Variants in DRC11 observed in about 807,000 individuals in gnomAD.
DRC11 encodes the protein dynein regulatory complex subunit 11, also known as IQ and AAA domain-containing protein 1.
the DRC11 span, among the ~76,000 whole-genome samples, chr2:236,472,220 C>T: frequency 1.3e-5 from 2 of 152,148 alleles, no homozygotes; most frequent in African/African-American, 4.8e-5. This position sits in a 1 kb window ranked among gnomAD's most constrained non-coding sequence, Gnocchi z 4.6. Context: ...GCCCTGAAGA[C>T]ACAGTTGTAT....
the DRC11 span, among the ~76,000 whole-genome samples, chr2:236,402,558 G>A: frequency 1.3e-5 from 2 of 152,218 alleles, no homozygotes; most frequent in Non-Finnish European, 2.9e-5. The surrounding 1 kb of genome is among the most constrained non-coding windows in gnomAD (Gnocchi z 6.0). Flanking sequence ...GGGGGGCATG[G>A]CAGGCTTGCC....
the DRC11 span, chr2:236,408,285 G>A: frequency 2.4e-6 from 2 of 842,002 alleles, no homozygotes; most frequent in African/African-American, 1.7e-5. This position sits in a 1 kb window ranked among gnomAD's most constrained non-coding sequence, Gnocchi z 5.5. Context: ...CCACAGAGAA[G>A]GCCACACAGG....
chr2:236,432,324 C>T, the DRC11 span, among the ~76,000 whole-genome samples: 1 of 152,050 alleles, frequency 6.6e-6, no homozygotes, highest in Admixed American at 6.6e-5. Context: ...GGCTGTAAGT[C>T]CTTTAACAGG....
chr2:236,435,699 C>G, the DRC11 span, among the ~76,000 whole-genome samples: 1 of 152,158 alleles, frequency 6.6e-6, no homozygotes, highest in Non-Finnish European at 1.5e-5. Context: ...GGGGAAACCA[C>G]CCCAATCAGG....
At chr2:236,489,586 T>A in the DRC11 span, among the ~76,000 whole-genome samples, 1 of 152,030 alleles carries the variant, frequency 6.6e-6, no homozygotes, top group African/African-American at 2.4e-5. Context: ...GGGGTGTCCA[T>A]GCATGGATGG....
the DRC11 span, among the ~76,000 whole-genome samples, chr2:236,479,386 T>C: frequency 1.4e-4 from 21 of 151,336 alleles, no homozygotes; most frequent in African/African-American, 5.1e-4. The surrounding 1 kb of genome is among the most constrained non-coding windows in gnomAD (Gnocchi z 4.1). Context: ...GCCATTTACA[T>C]TTTTTTTTCT....
At chr2:236,358,548 AC>A in the DRC11 span, among the ~76,000 whole-genome samples, 15 of 143,970 alleles carry the variant, frequency 1.0e-4, no homozygotes, top group Non-Finnish European at 1.4e-4. Context: ...GTTGCCTACC[AC>A]CCCCGCCACC....
the DRC11 span, among the ~76,000 whole-genome samples, chr2:236,404,175 AAAAAG>A: frequency 6.6e-6 from 1 of 151,402 alleles, no homozygotes; most frequent in African/African-American, 2.4e-5. Flanking sequence ...AAAAAAAAAA[AAAAAG>A]AAAAAGAAAA....
the DRC11 span, among the ~76,000 whole-genome samples, chr2:236,493,461 G>T: frequency 6.6e-6 from 1 of 152,180 alleles, no homozygotes; most frequent in Non-Finnish European, 1.5e-5. Context: ...TTTAGCTTCT[G>T]ACTTCAGCTA....
chr2:236,396,140 C>T, the DRC11 span, among the ~76,000 whole-genome samples: 1 of 151,962 alleles, frequency 6.6e-6, no homozygotes, highest in Non-Finnish European at 1.5e-5. Flanking sequence ...TCAATCCCTT[C>T]AAGAATTTCA....
chr2:236,365,617 A>G, the DRC11 span, among the ~76,000 whole-genome samples: 54 of 152,216 alleles, frequency 3.5e-4, no homozygotes, highest in African/African-American at 1.3e-3. This position sits in a 1 kb window ranked among gnomAD's most constrained non-coding sequence, Gnocchi z 7.4. Flanking sequence ...AGGGGGCAGC[A>G]GGAGGCAGAG....
chr2:236,370,879 C>T, the DRC11 span, among the ~76,000 whole-genome samples: 1 of 152,002 alleles, frequency 6.6e-6, no homozygotes, highest in African/African-American at 2.4e-5. The surrounding 1 kb of genome is among the most constrained non-coding windows in gnomAD (Gnocchi z 5.5). Context: ...GCAGTGCAGG[C>T]TTTGCATCCT....
the DRC11 span, among the ~76,000 whole-genome samples, chr2:236,348,267 GGGAAATCCAGGA>G: frequency 6.6e-6 from 1 of 152,312 alleles, no homozygotes; most frequent in Admixed American, 6.5e-5. This position sits in a 1 kb window ranked among gnomAD's most constrained non-coding sequence, Gnocchi z 7.4. Context: ...TGCCACAGGA[GGGAAATCCAGGA>G]GAAAATGTAG....
the DRC11 span, chr2:236,392,459 C>T: frequency 1.7e-6 from 1 of 587,774 alleles, no homozygotes; most frequent in South Asian, 2.6e-5. This position sits in a 1 kb window ranked among gnomAD's most constrained non-coding sequence, Gnocchi z 5.1. Flanking sequence ...GCAATATAAA[C>T]ATAAGCCTAA....
the DRC11 span, among the ~76,000 whole-genome samples, chr2:236,454,334 C>T: frequency 6.6e-6 from 1 of 152,192 alleles, no homozygotes; most frequent in South Asian, 2.1e-4. This position sits in a 1 kb window ranked among gnomAD's most constrained non-coding sequence, Gnocchi z 5.3. Context: ...GCGAGCTGTG[C>T]ACCTGTCCCT....
the DRC11 span, chr2:236,441,117 T>A: frequency 8.4e-6 from 13 of 1,556,070 alleles, no homozygotes; most frequent in Non-Finnish European, 1.7e-6. Context: ...AATGTCCCGG[T>A]TAAATTTCTG....
the DRC11 span, chr2:236,380,670 TCAAAA>T: frequency 1.4e-6 from 2 of 1,472,410 alleles, no homozygotes; most frequent in Middle Eastern, 3.4e-4. This position sits in a 1 kb window ranked among gnomAD's most constrained non-coding sequence, Gnocchi z 4.9. Flanking sequence ...AACAATTTAG[TCAAAA>T]CAAGCAAGCA....
At chr2:236,432,887 GTGTTT>G in the DRC11 span, among the ~76,000 whole-genome samples, 1 of 151,944 alleles carries the variant, frequency 6.6e-6, no homozygotes. Flanking sequence ...TAGTCCTTTT[GTGTTT>G]TGTTTTGTTT....
At chr2:236,485,567 G>T in the DRC11 span, among the ~76,000 whole-genome samples, 2 of 152,154 alleles carry the variant, frequency 1.3e-5, no homozygotes, top group Non-Finnish European at 2.9e-5. Flanking sequence ...AAACTGAGCA[G>T]GTCAACAAAG....
Sources: allele counts gnomAD v4.1 joint callset (sites outside exome capture counted in the v4.1 genomes callset), GRCh38; gene constraint gnomAD v4.1.1; non-coding constraint Gnocchi (gnomAD v3.1); transcripts MANE v1.5; gene names NCBI Gene and HGNC (gene_info 2026-07-23, HGNC 2026-07-21).